The following FKBP6 variants were observed in gnomAD, a reference collection of about 807,000 sequenced individuals.
The protein encoded by FKBP6 is FKBP prolyl isomerase family member 6 (inactive), also known as inactive peptidyl-prolyl cis-trans isomerase FKBP6.
FKBP6 carries 29 observed loss-of-function variants against 41.7 expected under a neutral mutation model. The ratio of observed to expected loss-of-function variants is 0.70; its 90% CI spans 0.52 to 0.95. The LOEUF is 0.95. Ranked by LOEUF, FKBP6 falls within the 40% of genes least tolerant of loss-of-function variation. The pLI is 0.00. For missense variants in FKBP6, 338 were observed against 408.7 expected (o/e 0.83, Z 1.49); for synonymous variants, 130 against 165.1 (o/e 0.79, Z 1.63).
intron 8 of FKBP6, among the ~76,000 whole-genome samples, chr7:73,349,587 A>G (rs1486264603): frequency 6.8e-6 from 1 of 147,046 alleles, no homozygotes; most frequent in East Asian, 2.0e-4. Flanking sequence ...GGTGGCGCAC[A>G]TCTGTAGTCC....
chr7:73,346,386 GACA>G (rs1554550270), intron 8 of FKBP6, among the ~76,000 whole-genome samples: 1 of 152,208 alleles, frequency 6.6e-6, no homozygotes, highest in African/African-American at 2.4e-5. Flanking sequence ...TCTAAACAGG[GACA>G]ACAAGATAAG....
At chr7:73,345,359 C>G (rs1554550157) in intron 8 of FKBP6, among the ~76,000 whole-genome samples, 1 of 152,062 alleles carries the variant, frequency 6.6e-6, no homozygotes, top group Non-Finnish European at 1.5e-5. Context: ...CTCCCCTCGG[C>G]TTTGTTTTCT....
Position 73,328,290 on chromosome 7 carries a change from G to T in FKBP6, c.-139G>T, listed in dbSNP as rs1207607404. The T allele has an allele frequency of 6.5e-7, 1 of 1,549,034 alleles. No homozygotes were observed. Among genetic ancestry groups the T allele is most frequent in the Non-Finnish European group, 8.7e-7 (1 of 1,146,584 alleles). On this transcript the variant is annotated 5_prime_UTR_variant, in exon 1 of 9. Coordinates refer to ENST00000252037, the MANE Select transcript of FKBP6 (RefSeq NM_003602.5). ...ACGAAACGATGAGTGCCTCCTCGTGGCCCCAGAATGGAATGCCGCCGTCGG... is the reference window on the plus strand; with the variant it reads ...ACGAAACGATGAGTGCCTCCTCGTGTCCCCAGAATGGAATGCCGCCGTCGG...
chr7:73,328,182 T>A lies in FKBP6; in HGVS notation c.-247T>A. The stretch of plus-strand genomic sequence containing the variant: ...TCCCATCATGTTTCGTGCGCTCCCA[T>A]TACGGATCATACCTCGCACCTCACC... On this transcript the variant is annotated 5_prime_UTR_variant, in exon 1 of 9. Transcript: ENST00000252037. The A allele has an allele frequency of 6.5e-7, 1 of 1,544,968 alleles. No homozygotes were observed. Among genetic ancestry groups the A allele is most frequent in the Admixed American group, 2.0e-5 (1 of 50,954 alleles).
At chr7:73,355,249 C>T (rs1805596014) in intron 8 of FKBP6, among the ~76,000 whole-genome samples, 1 of 152,230 alleles carries the variant, frequency 6.6e-6, no homozygotes, top group African/African-American at 2.4e-5. Context: ...CTCAGCCTGA[C>T]TGCCATTGTC....
At chr7:73,349,115 A>T (rs1194606289) in intron 8 of FKBP6, among the ~76,000 whole-genome samples, 1 of 151,966 alleles carries the variant, frequency 6.6e-6, no homozygotes, top group Non-Finnish European at 1.5e-5. Context: ...AAAAAAAAAA[A>T]TTTAAAAAGG....
intron 5 of FKBP6, among the ~76,000 whole-genome samples, chr7:73,340,311 G>A (rs1370499315): frequency 3.3e-5 from 5 of 152,120 alleles, no homozygotes; most frequent in South Asian, 2.1e-4. Flanking sequence ...GGTGGATCAC[G>A]AGGTCAGGAG....
At chr7:73,341,199 C>T (rs1250549656) in intron 6 of FKBP6, 74 bp from the exon 7 acceptor site, 83 of 1,043,690 alleles carry the variant, frequency 8.0e-5, no homozygotes, top group Non-Finnish European at 1.2e-4. Context: ...GCTGGGATTA[C>T]AGGCATGAGC....
intron 7 of FKBP6, among the ~76,000 whole-genome samples, chr7:73,342,569 C>A (rs1472582159): frequency 1.3e-5 from 2 of 152,314 alleles, no homozygotes; most frequent in Non-Finnish European, 2.9e-5. Flanking sequence ...AGGCACCTGC[C>A]CTTCAAGGCA....
At chr7:73,328,896 C>T (rs561421587) in intron 2 of FKBP6, among the ~76,000 whole-genome samples, 3 of 152,114 alleles carry the variant, frequency 2.0e-5, no homozygotes, top group Non-Finnish European at 4.4e-5. Context: ...GCAGCCTCCA[C>T]CTCCTGGGCT....
At chr7:73,337,827 C>T (rs1355059190) in intron 5 of FKBP6, among the ~76,000 whole-genome samples, 1 of 152,112 alleles carries the variant, frequency 6.6e-6, no homozygotes, top group Non-Finnish European at 1.5e-5. Flanking sequence ...AATTCCAGAA[C>T]ATTTTCCTCA....
chr7:73,328,732 C>A, intron 2 of FKBP6, 40 bp downstream of exon 2: 3 of 1,611,910 alleles, frequency 1.9e-6, no homozygotes, highest in Non-Finnish European at 2.5e-6. Context: ...TCCATGTCAT[C>A]GCACTCTGTT....
chr7:73,352,111 G>A (rs1805505526), intron 8 of FKBP6, among the ~76,000 whole-genome samples: 1 of 152,200 alleles, frequency 6.6e-6, no homozygotes, highest in African/African-American at 2.4e-5. Context: ...GACTACAAGT[G>A]TGTGCCAGCA....
intron 8 of FKBP6, among the ~76,000 whole-genome samples, chr7:73,355,273 G>A (rs1358408440): frequency 1.3e-5 from 2 of 152,154 alleles, no homozygotes; most frequent in East Asian, 1.9e-4. Context: ...GTCGATCTCC[G>A]GACTTATTTC....
intron 8 of FKBP6, among the ~76,000 whole-genome samples, chr7:73,355,578 A>G (rs1443110045): frequency 2.6e-5 from 4 of 151,960 alleles, no homozygotes; most frequent in Non-Finnish European, 4.4e-5. Flanking sequence ...CTAGATCAAA[A>G]CTTTCTTTTT....
At chr7:73,332,159 C>A (rs1043083125) in intron 5 of FKBP6, among the ~76,000 whole-genome samples, 1 of 151,912 alleles carries the variant, frequency 6.6e-6, no homozygotes, top group African/African-American at 2.4e-5. Context: ...CTACCGCGCC[C>A]GGCAAAAAAC....
At chr7:73,335,473 A>G (rs1347658660) in intron 5 of FKBP6, among the ~76,000 whole-genome samples, 1 of 152,136 alleles carries the variant, frequency 6.6e-6, no homozygotes, top group African/African-American at 2.4e-5. Flanking sequence ...TGGTATTGAG[A>G]TTCCTTTTCA....
rs1583790816 is a variant in FKBP6 at position 73,328,171 on chromosome 7, G to A, written c.-258G>A. ...CCCGTTACGTGTCCCATCATGTTTC[G>A]TGCGCTCCCATTACGGATCATACCT... is the stretch of plus-strand genomic sequence containing the variant. On this transcript the variant is annotated 5_prime_UTR_variant, in exon 1 of 9. The change creates a new upstream start codon in the 5' untranslated region. Coordinates refer to ENST00000252037, the MANE Select transcript of FKBP6 (RefSeq NM_003602.5). The A allele has an allele frequency of 2.6e-6, 4 of 1,537,590 alleles. No individual in the cohort carries two copies. The African/African-American group carries it at 4.1e-5, about 16-fold the overall frequency.
intron 8 of FKBP6, among the ~76,000 whole-genome samples, chr7:73,356,902 TC>T (rs2115999275): frequency 6.6e-6 from 1 of 152,214 alleles, no homozygotes; most frequent in African/African-American, 2.4e-5. Context: ...TGCCTCAGCC[TC>T]CCGAGTAGCT....
Sources: gnomAD v4.1 joint callset for allele counts (sites outside exome capture counted in the v4.1 genomes callset) on GRCh38, gnomAD v4.1.1 for gene constraint, MANE v1.5 for transcripts, NCBI Gene and HGNC (gene_info 2026-07-23, HGNC 2026-07-21) for gene names.